CEP350: variants seen among roughly 807,000 people sequenced by gnomAD.
The protein encoded by CEP350 is centrosomal protein 350.
CEP350 carries 126 observed loss-of-function variants against 331.8 expected under a neutral mutation model. That is an observed-to-expected ratio of 0.38 (90% confidence interval 0.33 to 0.44). CEP350 has a LOEUF of 0.44. Among genes scored for constraint, CEP350 ranks in the 20% least tolerant of loss-of-function variants. The probability of loss-of-function intolerance (pLI) is 1.00; values close to 1 mark genes in which losing one functional copy is unlikely to be tolerated. For synonymous variants in CEP350, 1,200 were observed against 1,259.5 expected (o/e 0.95, Z 1.00); for missense variants, 3,406 against 3,634.6 (o/e 0.94, Z 1.62).
intron 27 of CEP350, among the ~76,000 whole-genome samples, chr1:180,074,099 A>G (rs1214769663): frequency 1.3e-5 from 2 of 152,124 alleles, no homozygotes; most frequent in East Asian, 1.9e-4. Flanking sequence ...GTAGAGTGAC[A>G]GCTCTTCTTG....
At chr1:180,003,997 C>T (rs143317396) in intron 7 of CEP350, among the ~76,000 whole-genome samples, 5 of 152,166 alleles carry the variant, frequency 3.3e-5, no homozygotes, top group African/African-American at 7.2e-5. Flanking sequence ...ATTAAGTGTC[C>T]GATCCAGTTT....
rs1335761565 is a variant in CEP350, at chr1:180,099,409, T to A, written c.9189+424T>A. Among the ~76,000 whole-genome samples the A allele has an allele frequency of 3.3e-5, 5 of 152,318 alleles. No homozygotes were observed. In the East Asian group the frequency reaches 9.6e-4, roughly 29 times the overall value. On this transcript the variant is annotated intron_variant, in intron 37 of 37. Coordinates refer to ENST00000367607, the MANE Select transcript of CEP350 (RefSeq NM_014810.5). ...TTATTAAGAAAATTAAATAAGTATA[T>A]GTGTAAAGCACTTAGAATAGTTCCT...
chr1:180,049,186 T>C (rs1445314522), intron 22 of CEP350, among the ~76,000 whole-genome samples: 1 of 152,214 alleles, frequency 6.6e-6, no homozygotes, highest in Non-Finnish European at 1.5e-5. Flanking sequence ...TTTCTAACTT[T>C]ATCTCATTAA....
At chr1:180,073,166 A>T (rs1183881269) in intron 27 of CEP350, among the ~76,000 whole-genome samples, 1 of 151,890 alleles carries the variant, frequency 6.6e-6, no homozygotes, top group Non-Finnish European at 1.5e-5. Flanking sequence ...TGGATAGTGT[A>T]TTTCAATATT....
chr1:180,072,122 A>G (rs796111670), intron 27 of CEP350, among the ~76,000 whole-genome samples: 1 of 152,236 alleles, frequency 6.6e-6, no homozygotes, highest in African/African-American at 2.4e-5. Flanking sequence ...CACTCCTTAT[A>G]TAAGGATGTA....
At position 180,055,546 on chromosome 1, in the gene CEP350, C is replaced by CTTTT. The variant is rs71118430; in HGVS notation, c.5262+1065_5262+1068dup. On this transcript the variant is annotated intron_variant, in intron 25 of 37. Coordinates refer to ENST00000367607, the MANE Select transcript of CEP350 (RefSeq NM_014810.5). ...AATTTGAATAAATTCTGAATTCCATCTTTTTTTTTTTTTTTTTTTTTTTTG... is the reference window on the plus strand; with the variant it reads ...AATTTGAATAAATTCTGAATTCCATCTTTTTTTTTTTTTTTTTTTTTTTTTTTTG... Among the ~76,000 whole-genome samples the CTTTT allele has an allele frequency of 6.4e-3, 563 of 87,444 alleles. 4 individuals are homozygous for CTTTT. The highest frequency in any genetic ancestry group is 0.01 in the Middle Eastern group (1 of 100). The allele number at this position is 87,444 out of a possible 152,430, so 57.4% of individuals were successfully genotyped here. A position where few individuals can be genotyped will look rare whatever the true frequency, so the allele number is the denominator to read the frequency against.
intron 10 of CEP350, among the ~76,000 whole-genome samples, chr1:180,014,829 C>T (rs1403914812): frequency 6.6e-6 from 1 of 152,130 alleles, no homozygotes; most frequent in African/African-American, 2.4e-5. Context: ...GGGTGCCAAC[C>T]CCTTTGCAGT....
intron 16 of CEP350, among the ~76,000 whole-genome samples, chr1:180,034,703 C>T (rs534646102): frequency 1.2e-4 from 18 of 152,218 alleles, no homozygotes; most frequent in Admixed American, 1.1e-3. Context: ...CAACCATGTC[C>T]GTTTAAGAGG....
intron 6 of CEP350, 80 bp downstream of exon 6, chr1:179,997,255 A>T (rs914547497): frequency 6.8e-7 from 1 of 1,464,502 alleles, no homozygotes; most frequent in African/African-American, 1.4e-5. Flanking sequence ...AATAGAGAGG[A>T]TCACCTTTAG....
intron 32 of CEP350, among the ~76,000 whole-genome samples, chr1:180,090,205 C>G (rs897004366): frequency 2.0e-5 from 3 of 152,036 alleles, no homozygotes; most frequent in Non-Finnish European, 2.9e-5. Flanking sequence ...TTTTTGTCAT[C>G]TAGTGACAAA....
At chr1:180,098,742 T>C in intron 36 of CEP350, 121 bp from the exon 37 acceptor site, 1 of 809,274 alleles carries the variant, frequency 1.2e-6, no homozygotes, top group South Asian at 2.7e-5. Flanking sequence ...GGAAGAAATT[T>C]GTATGATAAT....
intron 28 of CEP350, among the ~76,000 whole-genome samples, chr1:180,075,944 A>C (rs1659198990): frequency 6.6e-6 from 1 of 151,322 alleles, no homozygotes; most frequent in African/African-American, 2.4e-5. Context: ...CAACAGCGAG[A>C]CTCCGTATCT....
In CEP350 at chr1:180,014,457, G is replaced by T; in HGVS notation, c.2004G>T (p.Lys668Asn). ...QETYSKLLLE[K>N]TLLEEPSHQH... ...CTTACTCCAAATTGCTACTAGAAAA[G>T]ACCTTGCTTGAAGAGCCATCTCATC... The change falls in exon 10 of 38, where the codon AAG becomes AAT. Residue 668 changes from lysine (K) to asparagine (N), a missense_variant. Around this residue, in one of 5 missense-constraint regions of CEP350, gnomAD observed 1,857 missense variants for 1,909.2 expected, o/e 0.97. Coordinates refer to ENST00000367607, the MANE Select transcript of CEP350 (RefSeq NM_014810.5). 7 of 1,609,798 alleles carry T rather than the reference G, an allele frequency of 4.3e-6. No homozygotes were observed. Among genetic ancestry groups the T allele is most frequent in the South Asian group, 1.1e-5 (1 of 89,840 alleles).
intron 31 of CEP350, 44 bp from the exon 32 acceptor site, chr1:180,087,534 T>C (rs1659938876): frequency 1.4e-6 from 2 of 1,473,670 alleles, no homozygotes; most frequent in Non-Finnish European, 1.8e-6. Flanking sequence ...AAAATAAGTT[T>C]TAAAAATTCT....
intron 1 of CEP350, among the ~76,000 whole-genome samples, chr1:179,969,889 A>C (rs1355530614): frequency 6.6e-6 from 1 of 152,210 alleles, no homozygotes; most frequent in African/African-American, 2.4e-5. Context: ...CTTATGTATA[A>C]GGGAAAATTT....
At chr1:180,000,506 CT>C in intron 6 of CEP350, 1 of 154,496 alleles carries the variant, frequency 6.5e-6, no homozygotes, top group Admixed American at 6.5e-5. Context: ...TCCTTGGGGT[CT>C]TTTTTTCTCT....
chr1:180,057,103 T>C (rs1430970123), intron 25 of CEP350, among the ~76,000 whole-genome samples: 3 of 151,342 alleles, frequency 2.0e-5, no homozygotes, highest in South Asian at 4.2e-4. Flanking sequence ...TTCTTTCTTT[T>C]TTTTTTTTTT....
At chr1:180,029,992 A>G (rs1655909929) in intron 14 of CEP350, among the ~76,000 whole-genome samples, 1 of 152,092 alleles carries the variant, frequency 6.6e-6, no homozygotes, top group Non-Finnish European at 1.5e-5. Context: ...ATGTGTCAGA[A>G]TGTTCTTCCT....
At chr1:180,066,135 C>T (rs1245812734) in intron 27 of CEP350, among the ~76,000 whole-genome samples, 1 of 152,148 alleles carries the variant, frequency 6.6e-6, no homozygotes. Flanking sequence ...GCTACTCCAA[C>T]TTAGATATAG....
Sources: allele counts gnomAD v4.1 joint callset (sites outside exome capture counted in the v4.1 genomes callset), GRCh38; gene constraint gnomAD v4.1.1; regional missense constraint gnomAD v4.1.1; transcripts MANE v1.5; gene names NCBI Gene and HGNC (gene_info 2026-07-23, HGNC 2026-07-21).